Variants in FYN observed in about 807,000 individuals in gnomAD.
FYN encodes tyrosine-protein kinase Fyn.
In FYN, 10 loss-of-function variants were observed where a neutral mutation model predicts 70.2. The ratio of observed to expected loss-of-function variants is 0.14; its 90% CI spans 0.09 to 0.24. The LOEUF is 0.24. FYN is among the 10% of genes least tolerant of loss of function. FYN has a pLI of 1.00. For synonymous variants in FYN, 236 were observed against 248.6 expected, an observed-to-expected ratio of 0.95 and a Z score of 0.48; for missense variants, 319 against 673.1, an observed-to-expected ratio of 0.47 and a Z score of 5.82.
At chr6:111,818,057 T>G (rs1016845327) in intron 2 of FYN, among the ~76,000 whole-genome samples, 1 of 152,240 alleles carries the variant, frequency 6.6e-6, no homozygotes, top group Non-Finnish European at 1.5e-5. Flanking sequence ...GACAGCCTCT[T>G]CCTTTGGATG....
At chr6:111,667,587 T>C (rs1159882044) in intron 13 of FYN, among the ~76,000 whole-genome samples, 1 of 152,156 alleles carries the variant, frequency 6.6e-6, no homozygotes, top group Non-Finnish European at 1.5e-5. Flanking sequence ...GGAATAAAAA[T>C]CACTTTCATT....
chr6:111,714,464 A>T, intron 4 of FYN, 21 bp from the exon 5 acceptor site: 1 of 1,534,762 alleles, frequency 6.5e-7, no homozygotes, highest in Non-Finnish European at 9.0e-7. Context: ...GAAATTCACA[A>T]GAAGGGAGAT....
chr6:111,774,676 CA>C (rs1441737459), intron 3 of FYN, among the ~76,000 whole-genome samples: 2 of 151,888 alleles, frequency 1.3e-5, no homozygotes, highest in African/African-American at 2.4e-5. Flanking sequence ...TTGGGAAGAT[CA>C]AATGTGCTGC....
intron 2 of FYN, among the ~76,000 whole-genome samples, chr6:111,790,558 T>C (rs753327190): frequency 3.9e-5 from 6 of 152,202 alleles, no homozygotes; most frequent in Non-Finnish European, 7.3e-5. Context: ...CAAGGGCATC[T>C]ACCAGGGGTT....
At chr6:111,821,542 C>T (rs1184321200) in intron 2 of FYN, among the ~76,000 whole-genome samples, 1 of 152,140 alleles carries the variant, frequency 6.6e-6, no homozygotes, top group Non-Finnish European at 1.5e-5. Context: ...TAGAAGAAAA[C>T]CTAGGCAATA....
Position 111,702,093 on chromosome 6 carries a change from T to A in FYN, c.697+792A>T, listed in dbSNP as rs139234015. 5.5e-4 allele frequency among the ~76,000 whole-genome samples: 83 copies of A among 152,266 alleles called. No individual in the cohort carries two copies. The East Asian group carries it at 0.014, about 27-fold the overall frequency. On this transcript the variant is annotated intron_variant, in intron 8 of 13. Transcript: ENST00000354650. ...CACAAAAAAATATCTCTAGGCTTAA[T>A]AGGATATAGACATGTGTCTATACAT...
At chr6:111,675,998 C>T (rs1162840938) in intron 12 of FYN, among the ~76,000 whole-genome samples, 1 of 152,076 alleles carries the variant, frequency 6.6e-6, no homozygotes, top group African/African-American at 2.4e-5. Context: ...AAAGCATGTT[C>T]ATTCTGCTTA....
At chr6:111,698,870 G>T (rs1799697967) in intron 9 of FYN, among the ~76,000 whole-genome samples, 1 of 152,104 alleles carries the variant, frequency 6.6e-6, no homozygotes, top group African/African-American at 2.4e-5. Flanking sequence ...AGACCACCAG[G>T]TCAGGAGATC....
intron 2 of FYN, among the ~76,000 whole-genome samples, chr6:111,813,563 TATTG>T (rs1363846095): frequency 6.6e-6 from 1 of 152,166 alleles, no homozygotes; most frequent in Non-Finnish European, 1.5e-5. Flanking sequence ...AAGAAAGAGG[TATTG>T]AGTGCTGTGG....
intron 1 of FYN, among the ~76,000 whole-genome samples, chr6:111,854,651 C>T (rs899202730): frequency 1.3e-5 from 2 of 152,146 alleles, no homozygotes. Flanking sequence ...TTTATTGAAT[C>T]GTTATACTAT....
intron 12 of FYN, among the ~76,000 whole-genome samples, chr6:111,684,666 C>T (rs547816693): frequency 2.4e-4 from 37 of 152,320 alleles, no homozygotes; most frequent in African/African-American, 8.9e-4. Context: ...GCTTGCCTTT[C>T]TCCATCACCC....
At chr6:111,866,545 T>C (rs1774112043) in intron 1 of FYN, among the ~76,000 whole-genome samples, 1 of 152,176 alleles carries the variant, frequency 6.6e-6, no homozygotes, top group Admixed American at 6.5e-5. Flanking sequence ...TTTCGCCGTG[T>C]TGGCCAGGCT....
At chr6:111,685,230 G>A (rs1309349672) in intron 12 of FYN, among the ~76,000 whole-genome samples, 1 of 152,216 alleles carries the variant, frequency 6.6e-6, no homozygotes, top group Non-Finnish European at 1.5e-5. Context: ...CAAGAATCCA[G>A]CCACCCCCAG....
intron 2 of FYN, among the ~76,000 whole-genome samples, chr6:111,802,739 A>G (rs1276762791): frequency 6.6e-6 from 1 of 151,838 alleles, no homozygotes; most frequent in Non-Finnish European, 1.5e-5. Flanking sequence ...CCAATCAGGT[A>G]ATTTTTCATA....
intron 1 of FYN, among the ~76,000 whole-genome samples, chr6:111,871,915 T>C (rs1774285306): frequency 6.6e-6 from 1 of 152,224 alleles, no homozygotes; most frequent in African/African-American, 2.4e-5. Context: ...GGGGTTCTTT[T>C]ATTTTTTGGT....
chr6:111,685,909 G>T (rs1213580071), intron 12 of FYN, among the ~76,000 whole-genome samples: 2 of 152,182 alleles, frequency 1.3e-5, no homozygotes, highest in Non-Finnish European at 2.9e-5. Flanking sequence ...TGGGCTTGAG[G>T]TGACCACTGC....
intron 8 of FYN, 38 bp downstream of exon 8, chr6:111,702,847 C>G: frequency 6.2e-7 from 1 of 1,603,582 alleles, no homozygotes; most frequent in African/African-American, 1.3e-5. Flanking sequence ...CTCCCTCCAG[C>G]ATCCAAATGG....
chr6:111,687,660 G>T (rs1799078705), intron 12 of FYN, among the ~76,000 whole-genome samples: 1 of 151,532 alleles, frequency 6.6e-6, no homozygotes, highest in East Asian at 1.9e-4. Flanking sequence ...GAGAGAGAGA[G>T]AAACACAGCT....
At chr6:111,812,967 C>T (rs1373981294) in intron 2 of FYN, among the ~76,000 whole-genome samples, 1 of 152,146 alleles carries the variant, frequency 6.6e-6, no homozygotes, top group Admixed American at 6.5e-5. Flanking sequence ...CTCATGTACA[C>T]ATTGAAATCG....
Sources: gnomAD v4.1 joint callset for allele counts (sites outside exome capture counted in the v4.1 genomes callset) on GRCh38, gnomAD v4.1.1 for gene constraint, MANE v1.5 for transcripts, NCBI Gene and HGNC (gene_info 2026-07-23, HGNC 2026-07-21) for gene names.